Variants in ROBO2 observed in about 807,000 individuals in gnomAD.
ROBO2 encodes roundabout homolog 2.
Under a neutral mutation model 160.8 loss-of-function variants are expected in ROBO2, and 53 were observed. That is an observed-to-expected ratio of 0.33 (90% CI 0.26 to 0.41). The LOEUF is 0.41. Among genes scored for constraint, ROBO2 ranks in the 10% least tolerant of loss-of-function variants. The probability of loss-of-function intolerance (pLI) is 1.00; values close to 1 mark genes in which losing one functional copy is unlikely to be tolerated. For synonymous variants in ROBO2, 664 were observed against 611.7 expected, an observed-to-expected ratio of 1.09 and a Z score of -1.26; for missense variants, 1,577 against 1,722.4, an observed-to-expected ratio of 0.92 and a Z score of 1.49.
intron 2 of ROBO2, among the ~76,000 whole-genome samples, chr3:77,302,075 G>T (rs951388808): frequency 2.0e-5 from 3 of 151,344 alleles, no homozygotes; most frequent in Admixed American, 6.6e-5. Flanking sequence ...ACTAACTAAA[G>T]AACTTTTTTT....
Position 75,949,538 on chromosome 3 carries a change from A to G in ROBO2, c.109+11936A>G, listed in dbSNP as rs543989946. 2.4e-3 allele frequency among the ~76,000 whole-genome samples: 359 copies of G among 152,206 alleles called. 2 individuals carry two copies. Among genetic ancestry groups the G allele is most frequent in the African/African-American group, 8.3e-3 (344 of 41,558 alleles). ...ACATGGATTGAAATGTTCACTCAAC[A>G]TGGACTGGTAGGATTTTTTTTTCCT... On this transcript the variant is annotated intron_variant, in intron 2 of 26. Transcript: ENST00000487694.
rs550813175 is a variant in ROBO2, at chr3:76,625,374, C to T, written c.110-472640C>T. Among the ~76,000 whole-genome samples, 6 of 152,056 alleles carry T rather than the reference C, an allele frequency of 3.9e-5. No homozygotes were observed. In the South Asian group the frequency reaches 6.2e-4, roughly 16 times the overall value. On this transcript the variant is annotated intron_variant, in intron 2 of 26. Transcript: ENST00000487694. ...ATTAAACAACTTACTCAATATTGTGCGAGTTTCTATTCTAGGCACCAGAGT... is the reference window on the plus strand; with the variant it reads ...ATTAAACAACTTACTCAATATTGTGTGAGTTTCTATTCTAGGCACCAGAGT...
chr3:77,398,799 T>C (rs1295574372), intron 2 of ROBO2, among the ~76,000 whole-genome samples: 1 of 151,996 alleles, frequency 6.6e-6, no homozygotes, highest in Admixed American at 6.6e-5. Flanking sequence ...TTGTCCAGGC[T>C]GGTGTTGAAC....
At chr3:76,698,131 G>GAATTGGAT (rs1181805899) in intron 2 of ROBO2, among the ~76,000 whole-genome samples, 3 of 152,184 alleles carry the variant, frequency 2.0e-5, no homozygotes, top group South Asian at 2.1e-4. Flanking sequence ...TCACTGGTTA[G>GAATTGGAT]GCTTTTTCCA....
chr3:76,899,227 C>T lies in ROBO2; in HGVS notation c.110-198787C>T, dbSNP rs558864371. Among the ~76,000 whole-genome samples the T allele has an allele frequency of 2.4e-3, 364 of 152,066 alleles. 2 individuals are homozygous for T. The highest frequency in any genetic ancestry group is 3.4e-3 in the Middle Eastern group (1 of 294). On this transcript the variant is annotated intron_variant, in intron 2 of 26. Transcript: ENST00000487694. ...CATCAGGGATTTAAAATCCTGTTCA[C>T]AATTTTTTTTCAACTGTTATCTAAG...
intron 24 of ROBO2, 79 bp from the exon 26 acceptor site, chr3:77,642,592 A>G (rs577539336): frequency 5.0e-6 from 2 of 400,584 alleles, no homozygotes; most frequent in Non-Finnish European, 9.8e-6. Context: ...ATAAGGGCAA[A>G]GATTTTCTTC....
At chr3:76,665,952 TA>T (rs2092011671) in intron 2 of ROBO2, among the ~76,000 whole-genome samples, 1 of 122,760 alleles carries the variant, frequency 8.1e-6, no homozygotes, top group Admixed American at 8.3e-5. Flanking sequence ...ATATTATATA[TA>T]ATATATACAT....
At chr3:76,689,801 C>T (rs1411269809) in intron 2 of ROBO2, among the ~76,000 whole-genome samples, 2 of 152,110 alleles carry the variant, frequency 1.3e-5, no homozygotes, top group Non-Finnish European at 1.5e-5. Flanking sequence ...TTCCTCTTTG[C>T]CCATCCAGTT....
chr3:76,509,481 G>A (rs1165800297), intron 2 of ROBO2, among the ~76,000 whole-genome samples: 1 of 152,090 alleles, frequency 6.6e-6, no homozygotes, highest in Non-Finnish European at 1.5e-5. Flanking sequence ...TAAGCAAAAG[G>A]TCACCCTTGG....
At chr3:76,599,852 G>GA (rs1166944345) in intron 2 of ROBO2, among the ~76,000 whole-genome samples, 2 of 152,072 alleles carry the variant, frequency 1.3e-5, no homozygotes, top group African/African-American at 4.8e-5. Context: ...GTCTTCTTTT[G>GA]AAAAGTGTCT....
intron 8 of ROBO2, among the ~76,000 whole-genome samples, 160 bp downstream of exon 9, chr3:77,551,149 C>T (rs1009643174): frequency 6.6e-6 from 1 of 152,006 alleles, no homozygotes; most frequent in Non-Finnish European, 1.5e-5. Context: ...TTCTAATTCT[C>T]CCTGATTGAA....
intron 23 of ROBO2, among the ~76,000 whole-genome samples, chr3:77,623,913 C>T (rs551476793): frequency 2.0e-5 from 3 of 152,092 alleles, no homozygotes; most frequent in African/African-American, 4.8e-5. Context: ...ATGATAAATA[C>T]GTCTATAAAT....
chr3:75,932,293 T>G (rs9832085), intron 1 of ROBO2, among the ~76,000 whole-genome samples: 151,229 of 152,310 alleles, frequency 0.99, 75,081 homozygotes, highest in Middle Eastern at 1. Flanking sequence ...AAACTTAGAC[T>G]TAGATGATTT....
chr3:77,427,351 A>G (rs2078311032), intron 2 of ROBO2, among the ~76,000 whole-genome samples: 1 of 152,194 alleles, frequency 6.6e-6, no homozygotes, highest in African/African-American at 2.4e-5. Context: ...GTATTATTTC[A>G]TTTAATTATT....
intron 2 of ROBO2, among the ~76,000 whole-genome samples, chr3:76,158,314 G>A (rs905576460): frequency 1.3e-5 from 2 of 151,862 alleles, no homozygotes; most frequent in African/African-American, 4.8e-5. Flanking sequence ...GCCCTCATTA[G>A]CTCTAAGAGT....
intron 2 of ROBO2, among the ~76,000 whole-genome samples, chr3:76,576,136 T>C (rs1236910012): frequency 1.3e-5 from 2 of 152,256 alleles, no homozygotes; most frequent in East Asian, 3.9e-4. Flanking sequence ...TTTAATTAAC[T>C]GAAGGAATTA....
At chr3:75,913,060 T>TAGACACAGCA (rs1289431652) in intron 1 of ROBO2, among the ~76,000 whole-genome samples, 1 of 152,212 alleles carries the variant, frequency 6.6e-6, no homozygotes, top group Non-Finnish European at 1.5e-5. Flanking sequence ...CAGTGTTGGT[T>TAGACACAGCA]CCTTCTGGAG....
rs138618981 is a variant in ROBO2 at position 77,452,640 on chromosome 3, T to G, written c.389-24774T>G. On this transcript the variant is annotated intron_variant, in intron 2 of 25. Coordinates refer to ENST00000461745, the Ensembl canonical transcript of ROBO2. ...TGCCTACAAAGTCTTTAAACAGTAC[T>G]CAGTTTACAGCAAGTGCTCAATAAA... Among the ~76,000 whole-genome samples the G allele has an allele frequency of 6.4e-3, 967 of 152,268 alleles. 13 individuals are homozygous for G. Among genetic ancestry groups the G allele is most frequent in the African/African-American group, 0.022 (919 of 41,554 alleles).
At chr3:76,747,756 C>A (rs2093917646) in intron 2 of ROBO2, among the ~76,000 whole-genome samples, 1 of 151,256 alleles carries the variant, frequency 6.6e-6, no homozygotes, top group Non-Finnish European at 1.5e-5. Context: ...ACATTTGGTC[C>A]TTGTCAGTAT....
Sources: allele counts gnomAD v4.1 joint callset (sites outside exome capture counted in the v4.1 genomes callset), GRCh38; gene constraint gnomAD v4.1.1; transcripts MANE v1.5; gene names NCBI Gene and HGNC (gene_info 2026-07-23, HGNC 2026-07-21).